Variants in MBNL1 observed in about 807,000 individuals in gnomAD.
MBNL1 encodes the protein muscleblind like splicing regulator 1.
A neutral mutation model predicts 42.2 loss-of-function variants in MBNL1; 8 were observed. That is an observed-to-expected ratio of 0.19 (90% CI 0.11 to 0.34). The LOEUF (loss-of-function observed/expected upper bound fraction) is 0.34, where lower values mean the gene tolerates loss of function less well. MBNL1 is among the 10% of genes least tolerant of loss of function. MBNL1 has a pLI of 1.00. For synonymous variants in MBNL1, 169 were observed against 173.9 expected, an observed-to-expected ratio of 0.97 and a Z score of 0.22; for missense variants, 309 against 495.3, an observed-to-expected ratio of 0.62 and a Z score of 3.57.
chr3:152,390,007 C>T lies in MBNL1; in HGVS notation c.175-24934C>T, dbSNP rs370695599. Among the ~76,000 whole-genome samples the T allele has an allele frequency of 1.9e-3, 286 of 152,152 alleles. 2 individuals are homozygous for T. The highest frequency in any genetic ancestry group is 0.017 in the Middle Eastern group (5 of 294). On this transcript the variant is annotated intron_variant, in intron 2 of 9. Coordinates refer to ENST00000324210, the MANE Select transcript of MBNL1 (RefSeq NM_021038.5). ...TCTCCTGCCTCAGCCTCCCAAGTAG[C>T]TGGGACTACAGGCTGCCATGCCTGG...
At chr3:152,313,459 C>T (rs1359978921) in intron 2 of MBNL1, among the ~76,000 whole-genome samples, 1 of 152,170 alleles carries the variant, frequency 6.6e-6, no homozygotes, top group Non-Finnish European at 1.5e-5. Flanking sequence ...AAGCTGGTTT[C>T]CTTATCTGTA....
At chr3:152,284,329 T>A (rs921051689) in intron 1 of MBNL1, among the ~76,000 whole-genome samples, 1 of 152,076 alleles carries the variant, frequency 6.6e-6, no homozygotes, top group African/African-American at 2.4e-5. Flanking sequence ...GAACCAAGAT[T>A]ATAATTTTTT....
At chr3:152,349,462 G>GA (rs373909268) in intron 2 of MBNL1, among the ~76,000 whole-genome samples, 6 of 151,316 alleles carry the variant, frequency 4.0e-5, no homozygotes, top group East Asian at 3.9e-4. Context: ...GTTAAAAAAT[G>GA]AAAAAAAATG....
upstream of MBNL1, chr3:152,267,525 G>C (rs527251019): frequency 6.6e-6 from 1 of 152,354 alleles, no homozygotes; most frequent in African/African-American, 2.4e-5. Flanking sequence ...AGTCTTCGTA[G>C]CTTGGGGTAG....
At chr3:152,435,665 A>G (rs1429504647) in intron 4 of MBNL1, among the ~76,000 whole-genome samples, 2 of 152,172 alleles carry the variant, frequency 1.3e-5, no homozygotes, top group African/African-American at 4.8e-5. Context: ...GATTCTTCCT[A>G]TCCATGAGCA....
chr3:152,425,568 A>T (rs1027551524), intron 3 of MBNL1, among the ~76,000 whole-genome samples: 4 of 151,912 alleles, frequency 2.6e-5, no homozygotes, highest in Non-Finnish European at 4.4e-5. Context: ...AGATCACGCC[A>T]CTGCACTCCA....
At chr3:152,359,134 A>T (rs1201993409) in intron 2 of MBNL1, among the ~76,000 whole-genome samples, 2 of 152,216 alleles carry the variant, frequency 1.3e-5, no homozygotes, top group African/African-American at 2.4e-5. Flanking sequence ...TTTGAGTTTA[A>T]CTACATGTAT....
At chr3:152,286,464 AT>A (rs1289372633) in intron 1 of MBNL1, among the ~76,000 whole-genome samples, 3 of 131,100 alleles carry the variant, frequency 2.3e-5, no homozygotes, top group African/African-American at 8.3e-5. Flanking sequence ...ATATAAATAT[AT>A]TTTATTTATA....
At position 152,340,680 on chromosome 3, in the gene MBNL1, C is replaced by A. The variant is rs146670449; in HGVS notation, c.174+40313C>A. On this transcript the variant is annotated intron_variant, in intron 2 of 9. Coordinates refer to ENST00000324210, the MANE Select transcript of MBNL1 (RefSeq NM_021038.5). The stretch of plus-strand genomic sequence containing the variant: ...GTGTTAGAATCTTATTCGCATAATA[C>A]CTAGCAAGATCCCAGATGTAAACGG... 1,830 of 1,613,962 alleles carry A rather than the reference C, an allele frequency of 1.1e-3. 18 individuals carry two copies. Among genetic ancestry groups the A allele is most frequent in the East Asian group, 2.3e-3 (104 of 44,870 alleles).
At chr3:152,256,865 A>T (rs1046459111) in intron 2 of MBNL1, among the ~76,000 whole-genome samples, 28 of 152,174 alleles carry the variant, frequency 1.8e-4, no homozygotes, top group Non-Finnish European at 3.2e-4. Flanking sequence ...CCCATAAAAA[A>T]CATTACCTGG....
chr3:152,332,759 C>T (rs1437278086), intron 2 of MBNL1, among the ~76,000 whole-genome samples: 1 of 151,108 alleles, frequency 6.6e-6, no homozygotes, highest in Non-Finnish European at 1.5e-5. Flanking sequence ...CATGCGCACA[C>T]ACTAGTTTAT....
intron 2 of MBNL1, among the ~76,000 whole-genome samples, chr3:152,397,784 A>G (rs963333861): frequency 2.0e-5 from 3 of 152,164 alleles, no homozygotes; most frequent in African/African-American, 7.2e-5. Context: ...ACCAATTCAC[A>G]CATGTAGAGA....
intron 2 of MBNL1, among the ~76,000 whole-genome samples, chr3:152,331,548 A>G (rs2084541605): frequency 6.6e-6 from 1 of 152,158 alleles, no homozygotes; most frequent in Non-Finnish European, 1.5e-5. Flanking sequence ...TGACCTAAGT[A>G]TGGCCTAGAG....
intron 3 of MBNL1, among the ~76,000 whole-genome samples, chr3:152,420,702 G>A (rs780208584): frequency 1.3e-5 from 2 of 152,214 alleles, no homozygotes; most frequent in African/African-American, 2.4e-5. Flanking sequence ...AAACCAGATT[G>A]CCTCTTCTTC....
chr3:152,329,586 A>T (rs2082715863), intron 2 of MBNL1, among the ~76,000 whole-genome samples: 1 of 150,856 alleles, frequency 6.6e-6, no homozygotes, highest in South Asian at 2.1e-4. Context: ...GAAGTCAAGG[A>T]TGCAGTGAGC....
At chr3:152,440,305 G>T (rs1341603639) in intron 4 of MBNL1, among the ~76,000 whole-genome samples, 1 of 152,184 alleles carries the variant, frequency 6.6e-6, no homozygotes, top group Non-Finnish European at 1.5e-5. Flanking sequence ...TCACGCTGCT[G>T]ATAAAGACAT....
At chr3:152,341,823 G>A (rs2093302218) in intron 2 of MBNL1, among the ~76,000 whole-genome samples, 1 of 152,124 alleles carries the variant, frequency 6.6e-6, no homozygotes, top group African/African-American at 2.4e-5. Flanking sequence ...GATGAGCCCA[G>A]ATAGTGACAT....
chr3:152,312,835 T>C (rs865839534), intron 2 of MBNL1, among the ~76,000 whole-genome samples: 3 of 152,200 alleles, frequency 2.0e-5, no homozygotes, highest in Admixed American at 6.5e-5. Context: ...TTGGCCTGTA[T>C]GCTCTTTTCT....
intron 1 of MBNL1, among the ~76,000 whole-genome samples, chr3:152,293,701 C>T (rs1243015149): frequency 6.6e-6 from 1 of 152,168 alleles, no homozygotes; most frequent in African/African-American, 2.4e-5. Flanking sequence ...CTTATATCAA[C>T]ATTAAAAGCA....
Sources: allele counts gnomAD v4.1 joint callset (sites outside exome capture counted in the v4.1 genomes callset), GRCh38; gene constraint gnomAD v4.1.1; transcripts MANE v1.5; gene names NCBI Gene and HGNC (gene_info 2026-07-23, HGNC 2026-07-21).